Variants in PRIM2 observed in about 807,000 individuals in gnomAD.
PRIM2 encodes the protein DNA primase large subunit.
PRIM2 carries 39 observed loss-of-function variants against 67.3 expected under a neutral mutation model. The observed-to-expected ratio is 0.58, with a 90% CI of 0.45 to 0.76. The LOEUF (loss-of-function observed/expected upper bound fraction) is 0.76, where lower values mean the gene tolerates loss of function less well. PRIM2 is among the 30% of genes least tolerant of loss of function. PRIM2 has a pLI of 0.00. For synonymous variants in PRIM2, 143 were observed against 198.7 expected (o/e 0.72, Z 2.36); for missense variants, 398 against 598.7 (o/e 0.66, Z 3.50).
At chr6:57,634,425 C>T (rs1777085981) in intron 13 of PRIM2, among the ~76,000 whole-genome samples, 1 of 152,232 alleles carries the variant, frequency 6.6e-6, no homozygotes. Flanking sequence ...ATAGCAACAA[C>T]AAAATCTCAT....
At chr6:57,238,926 G>A in the PRIM2 span, among the ~76,000 whole-genome samples, 5 of 151,996 alleles carry the variant, frequency 3.3e-5, no homozygotes, top group Non-Finnish European at 7.4e-5. Context: ...TGCCTTTGTC[G>A]TGCTGTCTAG....
intron 12 of PRIM2, among the ~76,000 whole-genome samples, chr6:57,619,716 CAAAG>C (rs1776817833): frequency 2.0e-5 from 3 of 151,848 alleles, no homozygotes; most frequent in Non-Finnish European, 4.4e-5. Flanking sequence ...CCAACAAAGA[CAAAG>C]AAAAAAGAAT....
At chr6:57,275,684 T>A in the PRIM2 span, among the ~76,000 whole-genome samples, 1 of 152,198 alleles carries the variant, frequency 6.6e-6, no homozygotes, top group Non-Finnish European at 1.5e-5. Flanking sequence ...ATGCATTTCC[T>A]CCACTTTCAT....
intron 5 of PRIM2, among the ~76,000 whole-genome samples, chr6:57,378,302 G>C (rs1673121155): frequency 6.6e-6 from 1 of 151,600 alleles, no homozygotes; most frequent in Admixed American, 6.6e-5. Flanking sequence ...CTGGATTCAA[G>C]TGATCCTCCC....
chr6:57,537,333 GT>G lies in PRIM2; in HGVS notation c.835-97del, dbSNP rs1179679819. On this transcript the variant is annotated intron_variant, in intron 9 of 13. Transcript: ENST00000615550. ...TAATAAAGTGGCACTTTCTTATGGTGTTTTTTTTTTATTCCAATTAAATTGA... is the reference window on the plus strand; with the variant it reads ...TAATAAAGTGGCACTTTCTTATGGTGTTTTTTTTTATTCCAATTAAATTGA... 1,304 of 497,746 alleles carry G rather than the reference GT, an allele frequency of 2.6e-3. 1 individual carries two copies. Among genetic ancestry groups the G allele is most frequent in the South Asian group, 3.8e-3 (69 of 18,132 alleles). 30.8% of individuals were successfully genotyped at this position (497,746 alleles called of 1,614,324 possible). A position where few individuals can be genotyped will look rare whatever the true frequency, so the allele number is the denominator to read the frequency against.
chr6:57,411,319 A>G (rs1771081676), intron 7 of PRIM2, among the ~76,000 whole-genome samples: 1 of 152,214 alleles, frequency 6.6e-6, no homozygotes, highest in Non-Finnish European at 1.5e-5. Context: ...GCCTAGGCCT[A>G]GTAGCTTACG....
At chr6:57,510,729 T>C (rs1264854209) in intron 8 of PRIM2, among the ~76,000 whole-genome samples, 2 of 152,200 alleles carry the variant, frequency 1.3e-5, no homozygotes, top group African/African-American at 4.8e-5. Flanking sequence ...TGTGCATAGT[T>C]TGACACTTCC....
the PRIM2 span, among the ~76,000 whole-genome samples, chr6:57,309,074 G>C: frequency 1.3e-5 from 2 of 151,650 alleles, no homozygotes; most frequent in Non-Finnish European, 2.9e-5. Context: ...CCTAGGCAGA[G>C]GTCCCTGCGG....
chr6:57,492,322 C>T (rs2127410560), intron 7 of PRIM2, among the ~76,000 whole-genome samples: 1 of 152,258 alleles, frequency 6.6e-6, no homozygotes, highest in South Asian at 2.1e-4. Flanking sequence ...GCGGGCAGAT[C>T]ACCTGAGGTC....
At chr6:57,618,656 T>C (rs1776796057) in intron 12 of PRIM2, among the ~76,000 whole-genome samples, 2 of 151,958 alleles carry the variant, frequency 1.3e-5, no homozygotes, top group Admixed American at 1.3e-4. Flanking sequence ...CTGCTGGCTT[T>C]CCCCCACTTC....
chr6:57,527,085 G>A (rs1200852873), intron 8 of PRIM2, among the ~76,000 whole-genome samples: 1 of 152,140 alleles, frequency 6.6e-6, no homozygotes, highest in East Asian at 1.9e-4. Flanking sequence ...ATGAGCCAAT[G>A]TGAATTGCTT....
At chr6:57,557,160 A>G (rs1233865404) in intron 10 of PRIM2, among the ~76,000 whole-genome samples, 1 of 135,408 alleles carries the variant, frequency 7.4e-6, no homozygotes, top group Non-Finnish European at 1.6e-5. Flanking sequence ...AAGGGAACAC[A>G]TACACTGTTG....
chr6:57,338,974 A>G (rs1562701790), intron 5 of PRIM2, among the ~76,000 whole-genome samples: 2 of 152,248 alleles, frequency 1.3e-5, no homozygotes, highest in African/African-American at 4.8e-5. Context: ...TCAGCCCAAA[A>G]TCTTCTTAAG....
At chr6:57,559,286 A>G (rs1385570758) in intron 10 of PRIM2, among the ~76,000 whole-genome samples, 1 of 152,170 alleles carries the variant, frequency 6.6e-6, no homozygotes, top group Non-Finnish European at 1.5e-5. Flanking sequence ...GGAAGTTATT[A>G]TGGCAGAAAT....
At chr6:57,333,376 G>A (rs1191814154) in intron 5 of PRIM2, among the ~76,000 whole-genome samples, 2 of 152,138 alleles carry the variant, frequency 1.3e-5, no homozygotes, top group Non-Finnish European at 2.9e-5. Context: ...AGCTTCTAGA[G>A]TTGCTCTTGA....
intron 7 of PRIM2, among the ~76,000 whole-genome samples, chr6:57,397,886 G>C (rs1190941197): frequency 7.1e-6 from 1 of 140,100 alleles, no homozygotes; most frequent in Non-Finnish European, 1.5e-5. Flanking sequence ...GCTAATTTGA[G>C]ATCTTTCTAA....
intron 13 of PRIM2, among the ~76,000 whole-genome samples, chr6:57,635,699 A>G (rs1582031080): frequency 1.3e-5 from 2 of 152,184 alleles, no homozygotes; most frequent in East Asian, 1.9e-4. Flanking sequence ...ATGTGATACA[A>G]TTAAGCCCTT....
At chr6:57,369,099 G>C (rs1257659981) in intron 5 of PRIM2, among the ~76,000 whole-genome samples, 1 of 152,170 alleles carries the variant, frequency 6.6e-6, no homozygotes, top group Non-Finnish European at 1.5e-5. Flanking sequence ...CAGCAGGTAG[G>C]GGGTGTATAA....
the PRIM2 span, among the ~76,000 whole-genome samples, chr6:57,251,405 TG>T: frequency 1.3e-5 from 2 of 152,220 alleles, no homozygotes; most frequent in African/African-American, 4.8e-5. Context: ...TAATGCAGGT[TG>T]GCAGGGATGT....
Sources: gnomAD v4.1 joint callset for allele counts (sites outside exome capture counted in the v4.1 genomes callset) on GRCh38, gnomAD v4.1.1 for gene constraint, MANE v1.5 for transcripts, NCBI Gene and HGNC (gene_info 2026-07-23, HGNC 2026-07-21) for gene names.